Variants in CCNY observed in about 807,000 individuals in gnomAD.
The protein encoded by CCNY is cyclin-Y.
Under a neutral mutation model 42.8 loss-of-function variants are expected in CCNY, and 19 were observed. The ratio of observed to expected loss-of-function variants is 0.44; its 90% CI spans 0.31 to 0.65. CCNY has a LOEUF of 0.65. Among genes scored for constraint, CCNY ranks in the 30% least tolerant of loss-of-function variants. The probability of loss-of-function intolerance (pLI) is 0.07; values close to 1 mark genes in which losing one functional copy is unlikely to be tolerated. For synonymous variants in CCNY, 165 were observed against 162.7 expected (o/e 1.01, Z -0.11); for missense variants, 370 against 437.3 (o/e 0.85, Z 1.37).
intron 1 of CCNY, among the ~76,000 whole-genome samples, chr10:35,479,164 T>C (rs1839596007): frequency 6.6e-6 from 1 of 151,526 alleles, no homozygotes; most frequent in African/African-American, 2.4e-5. Flanking sequence ...GGTGGGACTG[T>C]AAACTAGTTC....
intron 3 of CCNY, among the ~76,000 whole-genome samples, chr10:35,327,485 GAATATT>G (rs1835893197): frequency 6.6e-6 from 1 of 152,104 alleles, no homozygotes; most frequent in Non-Finnish European, 1.5e-5. Context: ...TAACATCTAT[GAATATT>G]AATATTCTTT....
intron 3 of CCNY, among the ~76,000 whole-genome samples, chr10:35,318,177 A>G (rs1206748529): frequency 2.0e-5 from 3 of 152,112 alleles, no homozygotes; most frequent in African/African-American, 7.2e-5. Flanking sequence ...GCAGTGAGCC[A>G]TGATTGTGCC....
intron 1 of CCNY, among the ~76,000 whole-genome samples, chr10:35,429,714 T>C (rs1304874529): frequency 2.0e-5 from 3 of 152,212 alleles, no homozygotes; most frequent in South Asian, 4.1e-4. Flanking sequence ...GTTGCTGTTA[T>C]TGGGTCATTT....
intron 2 of CCNY, among the ~76,000 whole-genome samples, chr10:35,495,035 AT>A (rs1839979122): frequency 6.6e-6 from 1 of 152,218 alleles, no homozygotes; most frequent in Non-Finnish European, 1.5e-5. Context: ...TGGATTTCAC[AT>A]TTTTGGATTT....
At chr10:35,374,993 T>C (rs532556605) in intron 1 of CCNY, among the ~76,000 whole-genome samples, 1 of 152,254 alleles carries the variant, frequency 6.6e-6, no homozygotes, top group East Asian at 1.9e-4. Context: ...GAAAAGAGTG[T>C]GGCCAGGTCA....
chr10:35,364,419 A>G (rs1836766280), intron 1 of CCNY, among the ~76,000 whole-genome samples: 1 of 152,252 alleles, frequency 6.6e-6, no homozygotes, highest in Non-Finnish European at 1.5e-5. Context: ...ACCTGTCATT[A>G]GATACATTGA....
At chr10:35,300,330 G>A (rs890119627) in intron 3 of CCNY, among the ~76,000 whole-genome samples, 1 of 151,882 alleles carries the variant, frequency 6.6e-6, no homozygotes, top group African/African-American at 2.4e-5. Context: ...CCCTGCCTGA[G>A]TTCCCCTCCT....
At chr10:35,391,242 C>T (rs1042439540) in intron 1 of CCNY, among the ~76,000 whole-genome samples, 2 of 152,162 alleles carry the variant, frequency 1.3e-5, no homozygotes, top group East Asian at 3.8e-4. Context: ...TATGTTGTTC[C>T]CCTATTGGCT....
At chr10:35,415,570 G>C (rs976592598) in intron 1 of CCNY, among the ~76,000 whole-genome samples, 1 of 152,046 alleles carries the variant, frequency 6.6e-6, no homozygotes, top group East Asian at 1.9e-4. Context: ...TTAGTTTTGG[G>C]CTCCTTTCCT....
At chr10:35,385,797 T>G (rs1342556450) in intron 1 of CCNY, among the ~76,000 whole-genome samples, 1 of 152,212 alleles carries the variant, frequency 6.6e-6, no homozygotes, top group Admixed American at 6.5e-5. Context: ...GATCTCCTCT[T>G]CCACGAATGA....
At chr10:35,426,105 GCACGCGCA>G (rs1336853948) in intron 1 of CCNY, among the ~76,000 whole-genome samples, 927 of 58,022 alleles carry the variant, frequency 0.016, 10 homozygotes, top group East Asian at 0.14. Flanking sequence ...CACTGGTCCA[GCACGCGCA>G]CACACACACA....
intron 9 of CCNY, 190 bp downstream of exon 9, chr10:35,566,375 C>CAAA: frequency 6.3e-6 from 4 of 631,312 alleles, no homozygotes; most frequent in South Asian, 2.1e-5. Context: ...GACGGAGTCT[C>CAAA]GCTCTGTCAC....
intron 2 of CCNY, among the ~76,000 whole-genome samples, chr10:35,498,317 A>T (rs1013993150): frequency 6.6e-6 from 1 of 152,172 alleles, no homozygotes; most frequent in African/African-American, 2.4e-5. Flanking sequence ...GTTTGTGCAG[A>T]CAGCTTAGGC....
chr10:35,362,745 C>A (rs916416639), intron 1 of CCNY, among the ~76,000 whole-genome samples: 2 of 147,840 alleles, frequency 1.4e-5, no homozygotes, highest in African/African-American at 5.0e-5. Context: ...GACGGGGCTG[C>A]GGCCAGGCAG....
chr10:35,516,727 C>T, intron 4 of CCNY, 104 bp downstream of exon 4: 1 of 690,840 alleles, frequency 1.4e-6, no homozygotes, highest in Non-Finnish European at 2.3e-6. Context: ...AACCTGACAG[C>T]TAAGCTGGTT....
intron 1 of CCNY, among the ~76,000 whole-genome samples, chr10:35,383,433 G>C (rs573338199): frequency 6.6e-6 from 1 of 151,770 alleles, no homozygotes; most frequent in East Asian, 1.9e-4. Flanking sequence ...CCAGCCTCCC[G>C]AGTAGCTGGG....
intron 3 of CCNY, among the ~76,000 whole-genome samples, chr10:35,313,432 C>T (rs561425056): frequency 2.0e-5 from 3 of 152,306 alleles, no homozygotes; most frequent in African/African-American, 7.2e-5. Flanking sequence ...GGTCTCTTTG[C>T]GCATGTAACT....
chr10:35,280,469 A>T (rs986967320), intron 3 of CCNY, among the ~76,000 whole-genome samples: 1 of 139,338 alleles, frequency 7.2e-6, no homozygotes, highest in African/African-American at 2.8e-5. Context: ...GAAGGGAGGA[A>T]GGAAGGAAAG....
intron 3 of CCNY, among the ~76,000 whole-genome samples, chr10:35,514,823 C>T (rs750594654): frequency 1.3e-5 from 2 of 152,210 alleles, no homozygotes; most frequent in South Asian, 4.1e-4. Flanking sequence ...TAATTAATTA[C>T]TGACTTTTAA....
Sources: gnomAD v4.1 joint callset for allele counts (sites outside exome capture counted in the v4.1 genomes callset) on GRCh38, gnomAD v4.1.1 for gene constraint, MANE v1.5 for transcripts, NCBI Gene and HGNC (gene_info 2026-07-23, HGNC 2026-07-21) for gene names.